Variants in MARCHF1 observed in about 807,000 individuals in gnomAD.
MARCHF1 encodes the protein E3 ubiquitin-protein ligase MARCHF1.
A neutral mutation model predicts 54.2 loss-of-function variants in MARCHF1; 40 were observed. That is an observed-to-expected ratio of 0.74 (90% CI 0.57 to 0.96). The LOEUF is 0.96. MARCHF1 is among the 40% of genes least tolerant of loss of function. The pLI is 0.00. For synonymous variants in MARCHF1, 236 were observed against 236.3 expected (o/e 1.00, Z 0.01); for missense variants, 586 against 656.5 (o/e 0.89, Z 1.17).
intron 8 of MARCHF1, among the ~76,000 whole-genome samples, chr4:163,549,998 G>T (rs906558983): frequency 1.3e-5 from 2 of 152,174 alleles, no homozygotes; most frequent in African/African-American, 4.8e-5. Context: ...ACATAAAAAT[G>T]CAGGCCGGGC....
At chr4:164,359,194 C>G (rs990760698) in intron 1 of MARCHF1, among the ~76,000 whole-genome samples, 1 of 152,166 alleles carries the variant, frequency 6.6e-6, no homozygotes, top group Admixed American at 6.5e-5. Context: ...GCTTTAAGCA[C>G]TCTATTAACT....
At chr4:163,594,786 A>ACC (rs1553995236) in intron 7 of MARCHF1, among the ~76,000 whole-genome samples, 1,898 of 151,546 alleles carry the variant, frequency 0.013, 54 homozygotes, top group African/African-American at 0.044. Context: ...ACACACACAC[A>ACC]CCCAAACCCA....
intron 9 of MARCHF1, among the ~76,000 whole-genome samples, chr4:163,539,802 T>C (rs1227856235): frequency 6.6e-6 from 1 of 152,256 alleles, no homozygotes; most frequent in African/African-American, 2.4e-5. Context: ...CAATTATGTA[T>C]ATTGTATTTG....
intron 3 of MARCHF1, 106 bp from the exon 4 acceptor site, chr4:163,854,275 G>C (rs1749711258): frequency 2.3e-6 from 2 of 858,566 alleles, no homozygotes; most frequent in Non-Finnish European, 3.4e-6. Context: ...CACTAATTGA[G>C]ACTTTTTTAA....
At chr4:163,864,109 CAT>C (rs1750000219) in intron 3 of MARCHF1, among the ~76,000 whole-genome samples, 1 of 151,970 alleles carries the variant, frequency 6.6e-6, no homozygotes, top group East Asian at 1.9e-4. Context: ...GGAGGAGAAA[CAT>C]AACCTCCCAC....
At chr4:164,178,692 G>A (rs114121738) in intron 1 of MARCHF1, among the ~76,000 whole-genome samples, 1,910 of 152,000 alleles carry the variant, frequency 0.013, 38 homozygotes, top group African/African-American at 0.044. Flanking sequence ...TATTTGGATG[G>A]GTTCGTGTTT....
intron 1 of MARCHF1, among the ~76,000 whole-genome samples, chr4:164,156,738 G>A (rs1730088060): frequency 6.6e-6 from 1 of 151,994 alleles, no homozygotes; most frequent in Non-Finnish European, 1.5e-5. Flanking sequence ...CTTAATTCTT[G>A]TCATTTTATA....
chr4:164,275,581 A>G (rs1455021847), intron 1 of MARCHF1, among the ~76,000 whole-genome samples: 1 of 152,072 alleles, frequency 6.6e-6, no homozygotes, highest in Non-Finnish European at 1.5e-5. Context: ...AGAAGTGAGA[A>G]GGAGATTAGT....
In MARCHF1 at chr4:163,636,211, C is replaced by T. The variant is rs558781733; in HGVS notation, c.163-22818G>A. 1.2e-3 allele frequency among the ~76,000 whole-genome samples: 184 copies of T among 151,930 alleles called. 1 individual carries two copies. The highest frequency in any genetic ancestry group is 3.9e-3 in the African/African-American group (160 of 41,448). ...AGACAGGGATGCCCTCTCTCACCAC[C>T]CCTATTCAACATAGTGTTGGAAGTT... On this transcript the variant is annotated intron_variant, in intron 5 of 9. Transcript: ENST00000514618.
At chr4:163,949,942 TAGGC>T (rs936276159) in intron 3 of MARCHF1, among the ~76,000 whole-genome samples, 1 of 152,182 alleles carries the variant, frequency 6.6e-6, no homozygotes, top group Non-Finnish European at 1.5e-5. Context: ...CCCCTCTCCA[TAGGC>T]AGGTCGTCCA....
chr4:164,231,391 G>C (rs527524234), intron 1 of MARCHF1, among the ~76,000 whole-genome samples: 1 of 152,110 alleles, frequency 6.6e-6, no homozygotes, highest in Non-Finnish European at 1.5e-5. Flanking sequence ...ATTTAGAAAT[G>C]CCAATTGTTA....
chr4:164,158,153 A>C (rs1008133842), intron 1 of MARCHF1, among the ~76,000 whole-genome samples: 1 of 152,186 alleles, frequency 6.6e-6, no homozygotes, highest in African/African-American at 2.4e-5. Flanking sequence ...CTGTTTAATC[A>C]GTGGCATACT....
At chr4:163,673,640 G>A (rs1434588521) in intron 5 of MARCHF1, among the ~76,000 whole-genome samples, 1 of 152,080 alleles carries the variant, frequency 6.6e-6, no homozygotes, top group Non-Finnish European at 1.5e-5. Context: ...AAGAAATAAA[G>A]CTGTGATTTA....
chr4:163,647,700 T>C (rs1010928177), intron 5 of MARCHF1, among the ~76,000 whole-genome samples: 1 of 149,272 alleles, frequency 6.7e-6, no homozygotes, highest in African/African-American at 2.5e-5. Context: ...AATAAAAGAG[T>C]CTTGAGACAA....
chr4:163,820,135 C>T (rs925863872), intron 4 of MARCHF1, among the ~76,000 whole-genome samples: 17 of 152,036 alleles, frequency 1.1e-4, no homozygotes, highest in Non-Finnish European at 2.4e-4. Context: ...GTATGCCAAT[C>T]TGGCTTCAGT....
intron 3 of MARCHF1, among the ~76,000 whole-genome samples, chr4:163,921,990 C>G (rs370721372): frequency 2.0e-5 from 3 of 152,082 alleles, no homozygotes; most frequent in Admixed American, 2.0e-4. Flanking sequence ...CAATGATAGA[C>G]TGGATTAAGA....
chr4:164,379,590 A>G (rs978460018), intron 1 of MARCHF1, among the ~76,000 whole-genome samples: 19 of 152,254 alleles, frequency 1.2e-4, no homozygotes, highest in African/African-American at 3.9e-4. Flanking sequence ...AAAGAAAATA[A>G]TGGCAAATGA....
At chr4:163,932,820 GATAA>G (rs2111402123) in intron 3 of MARCHF1, 4 of 620,992 alleles carry the variant, frequency 6.4e-6, no homozygotes, top group South Asian at 5.5e-5. Flanking sequence ...GGAATTGTTG[GATAA>G]ATATTTAACA....
intron 1 of MARCHF1, among the ~76,000 whole-genome samples, chr4:164,344,857 TTAGAC>T (rs1262583569): frequency 2.6e-5 from 4 of 152,174 alleles, no homozygotes; most frequent in Admixed American, 6.5e-5. Context: ...AAACTGAAGA[TTAGAC>T]TAAAGAAGTC....
Sources: allele counts gnomAD v4.1 joint callset (sites outside exome capture counted in the v4.1 genomes callset), GRCh38; gene constraint gnomAD v4.1.1; transcripts MANE v1.5; gene names NCBI Gene and HGNC (gene_info 2026-07-23, HGNC 2026-07-21).